BMPR2: variants seen among roughly 807,000 people sequenced by gnomAD.
BMPR2 encodes bone morphogenetic protein receptor type 2.
Under a neutral mutation model 100.8 loss-of-function variants are expected in BMPR2, and 29 were observed. The observed-to-expected ratio is 0.29, with a 90% CI of 0.21 to 0.39. The LOEUF is 0.39. BMPR2 is among the 10% of genes least tolerant of loss of function. BMPR2 has a pLI of 1.00. For missense variants in BMPR2, 1,011 were observed against 1,274.5 expected (o/e 0.79, Z 3.15); for synonymous variants, 382 against 442.3 (o/e 0.86, Z 1.71).
At chr2:202,387,029 A>G (rs1227159724) in intron 1 of BMPR2, among the ~76,000 whole-genome samples, 1 of 152,080 alleles carries the variant, frequency 6.6e-6, no homozygotes, top group Non-Finnish European at 1.5e-5. Flanking sequence ...TTTGCTTAAA[A>G]CTATTGTCTT....
intron 3 of BMPR2, among the ~76,000 whole-genome samples, chr2:202,483,521 C>G (rs1034589991): frequency 4.0e-5 from 6 of 151,858 alleles, no homozygotes; most frequent in Admixed American, 3.9e-4. Flanking sequence ...GCCTCAGCCT[C>G]CCAAGTAGCT....
At position 202,531,176 on chromosome 2, in the gene BMPR2, A is replaced by C. The variant is rs148589430; in HGVS notation, c.1128+222A>C. 6.0e-3 allele frequency among the ~76,000 whole-genome samples: 908 copies of C among 152,140 alleles called. 15 individuals carry two copies. The highest frequency in any genetic ancestry group is 0.021 in the African/African-American group (866 of 41,500). On this transcript the variant is annotated intron_variant, in intron 8 of 12. Transcript: ENST00000374580. ...AAATTAGCCGGGCACAGTGGCACGC[A>C]CCTGTAATCCCAGCTACTCGGGAGT...
chr2:202,512,017 T>G (rs1042798711), intron 3 of BMPR2, among the ~76,000 whole-genome samples: 1 of 149,412 alleles, frequency 6.7e-6, no homozygotes, highest in Non-Finnish European at 1.5e-5. Flanking sequence ...CAAGACTCTC[T>G]TAAAAAAAAA....
At position 202,556,527 on chromosome 2, in the gene BMPR2, A is replaced by G. The variant is rs1209761937; in HGVS notation, c.2862A>G (p.Ile954Met). The G allele has an allele frequency of 1.2e-6, 2 of 1,612,302 alleles. No individual in the cohort carries two copies. Among genetic ancestry groups the G allele is most frequent in the Non-Finnish European group, 1.7e-6 (2 of 1,180,026 alleles). Residue 954 changes from isoleucine (I) to methionine (M), a missense_variant, in exon 12 of 13, where the codon ATA (isoleucine) becomes ATG (methionine). Ile to Met is a conservative substitution (Grantham distance 10). Coordinates refer to ENST00000374580, the MANE Select transcript of BMPR2 (RefSeq NM_001204.7). ...SATNVLDGSSIQIGESTQDGK... is the reference protein window; with the variant it reads ...SATNVLDGSSMQIGESTQDGK... Reference sequence around the variant, plus strand: ...CAAATGTCCTGGATGGCAGCAGTATACAGAGTAAGTGGAGGGATCATATAA... The same window carrying G: ...CAAATGTCCTGGATGGCAGCAGTATGCAGAGTAAGTGGAGGGATCATATAA...
intron 1 of BMPR2, among the ~76,000 whole-genome samples, chr2:202,392,872 A>T (rs576712728): frequency 6.6e-6 from 1 of 152,102 alleles, no homozygotes; most frequent in South Asian, 2.1e-4. Context: ...CATGCCTGTA[A>T]TCCCAACTAC....
intron 3 of BMPR2, among the ~76,000 whole-genome samples, chr2:202,489,975 A>C (rs556116647): frequency 6.6e-6 from 1 of 152,308 alleles, no homozygotes; most frequent in African/African-American, 2.4e-5. Context: ...ATTTTGGCTG[A>C]TCTAGGCAGG....
chr2:202,485,968 C>G (rs114322863), intron 3 of BMPR2, among the ~76,000 whole-genome samples: 2 of 152,004 alleles, frequency 1.3e-5, no homozygotes, highest in Non-Finnish European at 2.9e-5. Flanking sequence ...AAGGGCAGTT[C>G]TCTAAAGAAC....
At chr2:202,386,165 C>T (rs767727491) in intron 1 of BMPR2, among the ~76,000 whole-genome samples, 16 of 152,146 alleles carry the variant, frequency 1.1e-4, no homozygotes, top group Non-Finnish European at 2.2e-4. Context: ...TCTTGGTGAT[C>T]TCATCCAGTT....
chr2:202,484,815 A>C (rs1692738422), intron 3 of BMPR2, among the ~76,000 whole-genome samples: 2 of 150,404 alleles, frequency 1.3e-5, no homozygotes, highest in East Asian at 3.9e-4. Context: ...AAAAAATGCA[A>C]AAAATTAGCC....
intron 1 of BMPR2, among the ~76,000 whole-genome samples, chr2:202,441,550 A>AC: frequency 6.8e-6 from 1 of 146,852 alleles, no homozygotes; most frequent in East Asian, 2.0e-4. Flanking sequence ...TAAAAAAAAA[A>AC]AACAACAAAA....
intron 3 of BMPR2, among the ~76,000 whole-genome samples, chr2:202,500,445 G>C (rs1687360204): frequency 6.6e-6 from 1 of 152,196 alleles, no homozygotes; most frequent in South Asian, 2.1e-4. Flanking sequence ...GCCATTTGTT[G>C]TCCCCTACTT....
intron 1 of BMPR2, among the ~76,000 whole-genome samples, chr2:202,449,349 A>AAATT (rs1309542269): frequency 6.6e-6 from 1 of 151,130 alleles, no homozygotes; most frequent in Non-Finnish European, 1.5e-5. Context: ...ATAAATAAAT[A>AAATT]ATAAAAAAAT....
At chr2:202,443,943 A>G (rs1252445045) in intron 1 of BMPR2, among the ~76,000 whole-genome samples, 1 of 150,402 alleles carries the variant, frequency 6.6e-6, no homozygotes, top group Non-Finnish European at 1.5e-5. Context: ...CATCCTTGAC[A>G]AATGTTGGTG....
chr2:202,529,717 T>A (rs1168908428), intron 7 of BMPR2, among the ~76,000 whole-genome samples: 1 of 152,184 alleles, frequency 6.6e-6, no homozygotes, highest in Non-Finnish European at 1.5e-5. Context: ...TTAATTTTTT[T>A]AAATCAATGA....
At chr2:202,482,722 G>A (rs1036799545) in intron 3 of BMPR2, among the ~76,000 whole-genome samples, 1 of 152,030 alleles carries the variant, frequency 6.6e-6, no homozygotes, top group African/African-American at 2.4e-5. Context: ...TGTATTTTTA[G>A]TAGAGACAGG....
chr2:202,543,448 CA>C (rs1229532464), intron 10 of BMPR2, among the ~76,000 whole-genome samples: 5 of 151,354 alleles, frequency 3.3e-5, no homozygotes, highest in African/African-American at 1.2e-4. Flanking sequence ...TACTTAAACA[CA>C]TTTTTTTAAT....
intron 1 of BMPR2, among the ~76,000 whole-genome samples, chr2:202,391,821 G>A (rs1419234467): frequency 2.0e-5 from 3 of 151,770 alleles, no homozygotes; most frequent in Non-Finnish European, 4.4e-5. Context: ...GAGTGCAGTG[G>A]CGCAATCTTG....
At chr2:202,476,336 G>A (rs775619801) in intron 3 of BMPR2, among the ~76,000 whole-genome samples, 6 of 151,850 alleles carry the variant, frequency 4.0e-5, no homozygotes, top group African/African-American at 7.3e-5. Flanking sequence ...CATTTTCTGC[G>A]TATTTTCATA....
intron 1 of BMPR2, among the ~76,000 whole-genome samples, chr2:202,456,546 G>T (rs1052148540): frequency 3.6e-5 from 5 of 139,100 alleles, no homozygotes; most frequent in South Asian, 2.3e-4. Context: ...AGGGAGTCTC[G>T]CTCTGTCGCC....
Sources: allele counts gnomAD v4.1 joint callset (sites outside exome capture counted in the v4.1 genomes callset), GRCh38; gene constraint gnomAD v4.1.1; transcripts MANE v1.5; gene names NCBI Gene and HGNC (gene_info 2026-07-23, HGNC 2026-07-21).